The following DNAH3 variants were observed in gnomAD, a reference collection of about 807,000 sequenced individuals.
DNAH3 encodes the protein axonemal beta dynein heavy chain 3.
In DNAH3, 332 loss-of-function variants were observed where a neutral mutation model predicts 432.5. That is an observed-to-expected ratio of 0.77 (90% CI 0.70 to 0.84). The LOEUF (loss-of-function observed/expected upper bound fraction) is 0.84, where lower values mean the gene tolerates loss of function less well. Ranked by LOEUF, DNAH3 falls within the 40% of genes least tolerant of loss-of-function variation. The pLI is 0.00. For missense variants in DNAH3, 4,861 were observed against 5,114.0 expected, an observed-to-expected ratio of 0.95 and a Z score of 1.51; for synonymous variants, 1,956 against 1,900.2, an observed-to-expected ratio of 1.03 and a Z score of -0.76.
At chr16:21,102,267 T>C (rs1184349423) in intron 16 of DNAH3, among the ~76,000 whole-genome samples, 4 of 152,214 alleles carry the variant, frequency 2.6e-5, no homozygotes, top group Admixed American at 6.5e-5. Flanking sequence ...AAGGACACTC[T>C]ACTCCTCTCG....
At chr16:21,077,080 G>A (rs1378647788) in intron 20 of DNAH3, among the ~76,000 whole-genome samples, 1 of 152,150 alleles carries the variant, frequency 6.6e-6, no homozygotes, top group East Asian at 1.9e-4. Flanking sequence ...GCCCCCAGTT[G>A]AGAACCACTG....
intron 57 of DNAH3, 125 bp from the exon 58 acceptor site, chr16:20,944,788 C>T (rs868603679): frequency 2.4e-6 from 2 of 821,492 alleles, no homozygotes; most frequent in Non-Finnish European, 2.0e-6. Context: ...CACACACACA[C>T]ACACACACAC....
At chr16:21,017,465 A>G (rs1409419932) in intron 41 of DNAH3, among the ~76,000 whole-genome samples, 1 of 152,136 alleles carries the variant, frequency 6.6e-6, no homozygotes, top group African/African-American at 2.4e-5. Flanking sequence ...AAAGAATGCA[A>G]CCATTTCTCT....
chr16:21,139,517 C>G (rs2092690867), intron 5 of DNAH3, among the ~76,000 whole-genome samples: 1 of 151,498 alleles, frequency 6.6e-6, no homozygotes, highest in African/African-American at 2.4e-5. Context: ...CACTCTGCTG[C>G]CCAGACTGGA....
At chr16:20,968,292 C>T (rs1041379621) in intron 52 of DNAH3, among the ~76,000 whole-genome samples, 1 of 152,092 alleles carries the variant, frequency 6.6e-6, no homozygotes, top group Non-Finnish European at 1.5e-5. Flanking sequence ...TGGTCTCAAA[C>T]TCCTGGGCTC....
chr16:21,153,694 G>A (rs1034745013), intron 1 of DNAH3, among the ~76,000 whole-genome samples: 5 of 152,042 alleles, frequency 3.3e-5, no homozygotes, highest in Non-Finnish European at 5.9e-5. Flanking sequence ...CCAGAAGGAA[G>A]AAACTCCGAA....
At chr16:21,004,359 T>C (rs1396292796) in intron 41 of DNAH3, among the ~76,000 whole-genome samples, 1 of 151,944 alleles carries the variant, frequency 6.6e-6, no homozygotes. Flanking sequence ...TCTCTTCCTT[T>C]CTTTCTTTTT....
At chr16:21,147,282 C>T (rs559600572) in intron 1 of DNAH3, among the ~76,000 whole-genome samples, 2 of 151,390 alleles carry the variant, frequency 1.3e-5, no homozygotes, top group Non-Finnish European at 1.5e-5. Context: ...TGCAATGGTA[C>T]GATCTTAGCT....
chr16:21,153,838 C>T (rs777841472), intron 1 of DNAH3, among the ~76,000 whole-genome samples: 2 of 152,196 alleles, frequency 1.3e-5, no homozygotes, highest in African/African-American at 4.8e-5. Flanking sequence ...ACAATAGAAC[C>T]AAGTACTTCC....
At chr16:20,949,966 T>G (rs946952628) in intron 56 of DNAH3, among the ~76,000 whole-genome samples, 1 of 152,200 alleles carries the variant, frequency 6.6e-6, no homozygotes, top group Non-Finnish European at 1.5e-5. Flanking sequence ...CCCTAGGATG[T>G]GCTTCTGCAT....
chr16:21,017,232 G>A (rs992906017), intron 41 of DNAH3, among the ~76,000 whole-genome samples: 2 of 152,152 alleles, frequency 1.3e-5, no homozygotes, highest in African/African-American at 4.8e-5. Flanking sequence ...ATGAATGCAT[G>A]ACAATCTGAC....
intron 11 of DNAH3, 34 bp from the exon 12 acceptor site, chr16:21,117,373 G>T: frequency 1.7e-6 from 2 of 1,211,508 alleles, no homozygotes; most frequent in Non-Finnish European, 2.4e-6. Context: ...CATGTTGCAA[G>T]ACTTAAGAAG....
intron 59 of DNAH3, among the ~76,000 whole-genome samples, chr16:20,937,886 G>A (rs1379701111): frequency 1.3e-5 from 2 of 152,108 alleles, no homozygotes; most frequent in African/African-American, 4.8e-5. Flanking sequence ...AGGGCAGCCT[G>A]GGAGATGTCA....
At chr16:21,109,286 TCCCAGATATGCCA>T (rs1393530597) in intron 14 of DNAH3, among the ~76,000 whole-genome samples, 1 of 152,090 alleles carries the variant, frequency 6.6e-6, no homozygotes, top group Admixed American at 6.6e-5. Context: ...ATGGGTTAAT[TCCCAGATATGCCA>T]CTGCCTAACC....
chr16:21,105,942 G>A (rs974820689), intron 15 of DNAH3, among the ~76,000 whole-genome samples: 5 of 151,948 alleles, frequency 3.3e-5, no homozygotes, highest in African/African-American at 1.2e-4. Context: ...CAGCACTTGG[G>A]AGGCTGAGGC....
chr16:21,033,564 G>A (rs1185198466), intron 36 of DNAH3, among the ~76,000 whole-genome samples: 1 of 152,096 alleles, frequency 6.6e-6, no homozygotes, highest in Non-Finnish European at 1.5e-5. Context: ...AAGGAAAGAA[G>A]AAAAGAAGGG....
chr16:21,117,854 G>T (rs774522613), intron 11 of DNAH3, among the ~76,000 whole-genome samples: 1 of 152,106 alleles, frequency 6.6e-6, no homozygotes, highest in Non-Finnish European at 1.5e-5. Context: ...GAATACTATC[G>T]TAGTGCTCCC....
rs571470351 is a variant in DNAH3 at position 20,951,985 on chromosome 16, C to T, written c.11188+448G>A. ...GTCTCGATCTCCTGACCTCGTGATC[C>T]GCCTGCCTCAGCCTCCCAAAGTGCT... On this transcript the variant is annotated intron_variant, in intron 56 of 61. Coordinates refer to ENST00000261383, the Ensembl canonical transcript of DNAH3. Among the ~76,000 whole-genome samples, 24 of 151,994 alleles carry T rather than the reference C, an allele frequency of 1.6e-4. No individual in the cohort carries two copies. In the South Asian group the frequency reaches 4.4e-3, roughly 28 times the overall value.
In DNAH3 at chr16:20,985,280, CGG is replaced by C. The variant is rs760399557; in HGVS notation, c.7460_7461del (p.Thr2487SerfsTer12). ...ATCTGGTTGTCGGCGAAGAGGAACA[CGG>C]TGCTCTTGGTGGCCACACCGACCTG... On this transcript the variant is annotated frameshift_variant, in exon 48 of 62. Transcript: ENST00000261383. LOFTEE classifies it high-confidence loss of function. 3.1e-6 allele frequency: 5 copies of C among 1,614,060 alleles called. No homozygotes were observed. Among genetic ancestry groups the C allele is most frequent in the Non-Finnish European group, 4.2e-6 (5 of 1,180,038 alleles).
Sources: gnomAD v4.1 joint callset for allele counts (sites outside exome capture counted in the v4.1 genomes callset) on GRCh38, gnomAD v4.1.1 for gene constraint, MANE v1.5 for transcripts, NCBI Gene and HGNC (gene_info 2026-07-23, HGNC 2026-07-21) for gene names.